MMP26: variants seen among roughly 807,000 people sequenced by gnomAD.
MMP26 encodes matrix metallopeptidase 26, also known as matrix metalloproteinase-26.
A neutral mutation model predicts 31.0 loss-of-function variants in MMP26; 33 were observed. The ratio of observed to expected loss-of-function variants is 1.06; its 90% CI spans 0.81 to 1.42. The LOEUF (loss-of-function observed/expected upper bound fraction) is 1.42. Ranked by LOEUF, MMP26 falls within the 40% of genes most tolerant of loss-of-function variation. The pLI is 0.00. For synonymous variants in MMP26, 122 were observed against 114.9 expected (o/e 1.06, Z -0.40); for missense variants, 347 against 316.1 (o/e 1.10, Z -0.74).
At chr11:4,899,758 G>T (rs192472496) in intron 2 of MMP26, among the ~76,000 whole-genome samples, 1 of 152,172 alleles carries the variant, frequency 6.6e-6, no homozygotes, top group Admixed American at 6.5e-5. Flanking sequence ...GCTTAGAGAA[G>T]ATCAAAGTTA....
At chr11:4,879,839 G>A (rs1850433351) in intron 2 of MMP26, among the ~76,000 whole-genome samples, 1 of 152,078 alleles carries the variant, frequency 6.6e-6, no homozygotes, top group African/African-American at 2.4e-5. Context: ...CTTAGGAAGA[G>A]GATATATTGA....
At chr11:4,915,892 T>C (rs148743883) in intron 2 of MMP26, among the ~76,000 whole-genome samples, 37 of 152,312 alleles carry the variant, frequency 2.4e-4, no homozygotes, top group African/African-American at 8.9e-4. Flanking sequence ...AGACATGGAA[T>C]TGTGAAGTGA....
intron 2 of MMP26, chr11:4,769,847 G>C (rs1848691664): frequency 1.2e-6 from 2 of 1,612,994 alleles, no homozygotes; most frequent in Non-Finnish European, 1.7e-6. Flanking sequence ...GACATGGGCA[G>C]ACTCTAGGCC....
Position 4,989,726 on chromosome 11 carries a change from C to A in MMP26, c.178C>A (p.Gln60Lys), listed in dbSNP as rs775150861. The stretch of plus-strand genomic sequence containing the variant: ...GGAGACACAAACACAGCTCCTGCAA[C>A]AATTCCATCGGAATGGGACAGACCT... ...TQETQTQLLQQFHRNGTDLLD... is the reference protein window; with the variant it reads ...TQETQTQLLQKFHRNGTDLLD... The change falls in exon 4 of 8, where the codon CAA (glutamine) becomes AAA (lysine). Residue 60 changes from glutamine to lysine, a missense_variant. Coordinates refer to ENST00000380390, the MANE Select transcript of MMP26 (RefSeq NM_021801.5). The A allele has an allele frequency of 2.5e-5, 41 of 1,613,902 alleles. No individual in the cohort carries two copies. In the African/African-American group the frequency reaches 4.8e-4, roughly 19 times the overall value.
chr11:4,827,845 A>C (rs997924740), intron 2 of MMP26, among the ~76,000 whole-genome samples: 1 of 151,484 alleles, frequency 6.6e-6, no homozygotes, highest in Non-Finnish European at 1.5e-5. Flanking sequence ...AAAAAAAAAA[A>C]CACAACACAA....
intron 2 of MMP26, among the ~76,000 whole-genome samples, chr11:4,928,990 A>G (rs536188072): frequency 6.6e-6 from 1 of 152,234 alleles, no homozygotes; most frequent in South Asian, 2.1e-4. Flanking sequence ...GTATTTGACA[A>G]TGCTGGCCCT....
chr11:4,884,356 C>G (rs1850520629), intron 2 of MMP26, among the ~76,000 whole-genome samples: 1 of 152,084 alleles, frequency 6.6e-6, no homozygotes, highest in Admixed American at 6.6e-5. Flanking sequence ...TCTTTGTATT[C>G]TATTATACCA....
At chr11:4,713,800 GT>G (rs1366511852) in intron 1 of MMP26, among the ~76,000 whole-genome samples, 1 of 151,996 alleles carries the variant, frequency 6.6e-6, no homozygotes, top group East Asian at 1.9e-4. Flanking sequence ...GATCTGGTGG[GT>G]TTTTTTGGGA....
At chr11:4,953,773 T>C (rs1176995830) in intron 2 of MMP26, among the ~76,000 whole-genome samples, 1 of 125,280 alleles carries the variant, frequency 8.0e-6, no homozygotes, top group East Asian at 2.3e-4. Context: ...TTCCTTCGGC[T>C]TGGCGTGTTG....
Position 4,988,241 on chromosome 11 carries a change from C to T in MMP26, c.30C>T (p.Ile10=), listed in dbSNP as rs1846934391. 1 of 1,614,092 alleles carries T rather than the reference C, an allele frequency of 6.2e-7. No homozygotes were observed. Among genetic ancestry groups the T allele is most frequent in the Non-Finnish European group, 8.5e-7 (1 of 1,180,010 alleles). ...AGCTCGTCATCTTAAGAGTTACTAT[C>T]TTCTTGCCCTGGTGTTTCGCCGTTC... The part of the protein sequence containing the change: MQLVILRVT[I]FLPWCFAVPV... The change falls in exon 3 of 8, where the codon ATC becomes ATT. Residue 10 remains isoleucine (I), a synonymous_variant. Transcript: ENST00000380390.
chr11:4,928,698 T>C (rs1288635285), intron 2 of MMP26, among the ~76,000 whole-genome samples: 2 of 152,158 alleles, frequency 1.3e-5, no homozygotes, highest in African/African-American at 4.8e-5. Flanking sequence ...TAAAATGAGC[T>C]AGGATGGGTT....
At chr11:4,835,038 T>C (rs1849697575) in intron 2 of MMP26, among the ~76,000 whole-genome samples, 2 of 152,148 alleles carry the variant, frequency 1.3e-5, no homozygotes, top group Non-Finnish European at 2.9e-5. Context: ...TGAGAAGTCT[T>C]AAGCCTCTTG....
At chr11:4,970,050 T>C (rs1846645296) in intron 2 of MMP26, among the ~76,000 whole-genome samples, 1 of 152,194 alleles carries the variant, frequency 6.6e-6, no homozygotes, top group African/African-American at 2.4e-5. Flanking sequence ...ATAACATGTT[T>C]ACATGAATGC....
Position 4,991,941 on chromosome 11 carries a change from T to C in MMP26, c.596-23T>C, listed in dbSNP as rs754389698. ...TCCCTATGCATAGTTAATTTTATCT[T>C]TTTTTTTTCTATAATTTTTCAGGAT... On this transcript the variant is annotated intron_variant, in intron 6 of 7. Transcript: ENST00000380390. 1.9e-6 allele frequency: 3 copies of C among 1,549,088 alleles called. No homozygotes were observed. The South Asian group carries it at 3.7e-5, about 19-fold the overall frequency.
chr11:4,856,477 G>C (rs546437321), intron 2 of MMP26, among the ~76,000 whole-genome samples: 2 of 152,204 alleles, frequency 1.3e-5, no homozygotes, highest in Admixed American at 1.3e-4. Context: ...GACAAAGAAG[G>C]CCATTACATA....
At chr11:4,924,401 G>A (rs10836955) in intron 2 of MMP26, 261,344 of 1,498,434 alleles carry the variant, frequency 0.17, 23,954 homozygotes, top group East Asian at 0.26. Context: ...AAAGTGACAA[G>A]GCTGAATTCT....
chr11:4,922,987 G>A (rs1225339187), intron 2 of MMP26, among the ~76,000 whole-genome samples: 1 of 152,170 alleles, frequency 6.6e-6, no homozygotes, highest in Non-Finnish European at 1.5e-5. Flanking sequence ...TGTTTAAACA[G>A]TTAATCATCA....
At chr11:4,802,266 T>G (rs1207852544) in intron 2 of MMP26, among the ~76,000 whole-genome samples, 1 of 152,244 alleles carries the variant, frequency 6.6e-6, no homozygotes, top group African/African-American at 2.4e-5. Context: ...TTTGTCAGTT[T>G]CTTTTGTTCC....
At chr11:4,921,285 C>T (rs1851180451) in intron 2 of MMP26, among the ~76,000 whole-genome samples, 1 of 152,190 alleles carries the variant, frequency 6.6e-6, no homozygotes, top group African/African-American at 2.4e-5. Context: ...CAAATCCTGC[C>T]TTGGGGCCTC....
Sources: gnomAD v4.1 joint callset for allele counts (sites outside exome capture counted in the v4.1 genomes callset) on GRCh38, gnomAD v4.1.1 for gene constraint, MANE v1.5 for transcripts, NCBI Gene and HGNC (gene_info 2026-07-23, HGNC 2026-07-21) for gene names.